SLC38A4: variants seen among roughly 807,000 people sequenced by gnomAD.
SLC38A4 encodes the protein sodium-coupled neutral amino acid transporter 4.
Under a neutral mutation model 63.1 loss-of-function variants are expected in SLC38A4, and 20 were observed. The observed-to-expected ratio is 0.32, with a 90% CI of 0.22 to 0.46. SLC38A4 has a LOEUF of 0.46. Ranked by LOEUF, SLC38A4 falls within the 20% of genes least tolerant of loss-of-function variation. The pLI is 1.00. For missense variants in SLC38A4, 526 were observed against 663.6 expected, an observed-to-expected ratio of 0.79 and a Z score of 2.28; for synonymous variants, 230 against 225.5, an observed-to-expected ratio of 1.02 and a Z score of -0.18.
Position 46,768,370 on chromosome 12 carries a change from T to C in SLC38A4, c.1482A>G (p.Pro494=), listed in dbSNP as rs368626582. Reference sequence around the variant, plus strand: ...TGACAAGTTTAAGATAAAAAACTGCTGGAAGAATAAAAATCAGCATAGTGG... The same window carrying C: ...TGACAAGTTTAAGATAAAAAACTGCCGGAAGAATAAAAATCAGCATAGTGG... The part of the protein sequence containing the change: ...SSATMLIFIL[P]AVFYLKLVKK... The change falls in exon 16 of 17, where the codon CCA becomes CCG. Residue 494 remains proline (P), a synonymous_variant. Transcript: ENST00000266579. The C allele has an allele frequency of 9.3e-6, 15 of 1,611,458 alleles. No individual in the cohort carries two copies. The highest frequency in any genetic ancestry group is 1.3e-5 in the Non-Finnish European group (15 of 1,178,516).
intron 1 of SLC38A4, among the ~76,000 whole-genome samples, chr12:46,831,867 C>T (rs1209186336): frequency 6.6e-6 from 1 of 152,136 alleles, no homozygotes; most frequent in East Asian, 1.9e-4. Flanking sequence ...AGGCAGGCGG[C>T]GCGGCCACGG....
upstream of SLC38A4, among the ~76,000 whole-genome samples, chr12:46,826,976 C>T (rs74082905): frequency 1.8e-3 from 272 of 152,292 alleles, 1 homozygote; most frequent in African/African-American, 6.2e-3. Flanking sequence ...ATTCAACAAA[C>T]ATGTACCAGT....
chr12:46,821,184 T>C, intron 1 of SLC38A4, among the ~76,000 whole-genome samples: 1 of 152,106 alleles, frequency 6.6e-6, no homozygotes, highest in East Asian at 1.9e-4. Context: ...TGCGTGTCTA[T>C]TTTTGCTTTT....
chr12:46,771,921 G>A (rs1013440850), intron 14 of SLC38A4, among the ~76,000 whole-genome samples: 8 of 151,994 alleles, frequency 5.3e-5, no homozygotes, highest in South Asian at 4.2e-4. Context: ...AGATGCTGTG[G>A]GTCAGGGAGG....
At chr12:46,822,146 C>T (rs1939562618) in intron 1 of SLC38A4, among the ~76,000 whole-genome samples, 1 of 152,090 alleles carries the variant, frequency 6.6e-6, no homozygotes, top group African/African-American at 2.4e-5. Context: ...ATGCACCACA[C>T]CCCTTAATTC....
chr12:46,815,240 GATATATATATATATATATATAT>G lies in SLC38A4; in HGVS notation c.-305+10641_-305+10662del, dbSNP rs56368111. Among the ~76,000 whole-genome samples, 77 of 89,640 alleles carry G rather than the reference GATATATATATATATATATATAT, an allele frequency of 8.6e-4. 2 individuals are homozygous for G. Among genetic ancestry groups the G allele is most frequent in the Admixed American group, 1.4e-3 (11 of 7,926 alleles). 58.8% of individuals were successfully genotyped at this position (89,640 alleles called of 152,430 possible). On this transcript the variant is annotated intron_variant, in intron 1 of 16. Transcript: ENST00000266579. ...TTTCAAGGATTATAAATGGCTAAAG[GATATATATATATATATATATAT>G]ATATATATATATATATATATATACA...
At chr12:46,829,779 G>A (rs1156501070), upstream of SLC38A4, among the ~76,000 whole-genome samples, 3 of 152,168 alleles carry the variant, frequency 2.0e-5, no homozygotes, top group East Asian at 3.8e-4. Context: ...CACCTGTCCA[G>A]CTCTGCCCTT....
intron 3 of SLC38A4, among the ~76,000 whole-genome samples, chr12:46,789,349 G>T (rs1308789111): frequency 6.6e-6 from 1 of 152,058 alleles, no homozygotes; most frequent in African/African-American, 2.4e-5. Flanking sequence ...ATTATTAACA[G>T]ATAATGAATG....
upstream of SLC38A4, among the ~76,000 whole-genome samples, chr12:46,828,452 T>G (rs1939689152): frequency 6.6e-6 from 1 of 152,022 alleles, no homozygotes; most frequent in Non-Finnish European, 1.5e-5. Flanking sequence ...CTCTCGAGTA[T>G]CTGGGACTAC....
At chr12:46,815,508 T>C (rs1198840336) in intron 1 of SLC38A4, among the ~76,000 whole-genome samples, 1 of 151,620 alleles carries the variant, frequency 6.6e-6, no homozygotes, top group Non-Finnish European at 1.5e-5. Context: ...TTTTCTTCAA[T>C]GAGATAATTT....
chr12:46,779,029 C>T (rs1430979906), intron 10 of SLC38A4, among the ~76,000 whole-genome samples: 1 of 151,932 alleles, frequency 6.6e-6, no homozygotes, highest in Middle Eastern at 3.2e-3. Context: ...TCTTTCATGC[C>T]CTTCCATGAG....
At chr12:46,772,384 C>T (rs1261282462) in intron 14 of SLC38A4, among the ~76,000 whole-genome samples, 1 of 151,968 alleles carries the variant, frequency 6.6e-6, no homozygotes, top group Non-Finnish European at 1.5e-5. Flanking sequence ...TTTTCAAAGG[C>T]ATGGCAGGTG....
intron 1 of SLC38A4, among the ~76,000 whole-genome samples, chr12:46,831,834 G>C (rs1054384077): frequency 1.3e-5 from 2 of 148,858 alleles, no homozygotes; most frequent in African/African-American, 5.2e-5. Flanking sequence ...CAGCTCCCGC[G>C]GGGGAAGTCG....
intron 2 of SLC38A4, among the ~76,000 whole-genome samples, chr12:46,795,492 T>C (rs1033853021): frequency 6.6e-6 from 1 of 152,120 alleles, no homozygotes; most frequent in African/African-American, 2.4e-5. Flanking sequence ...ATGCTCTTTC[T>C]CATTCTGAAT....
At chr12:46,812,667 A>T (rs1458842712) in intron 1 of SLC38A4, among the ~76,000 whole-genome samples, 1 of 152,078 alleles carries the variant, frequency 6.6e-6, no homozygotes, top group African/African-American at 2.4e-5. Context: ...AAAGCAAGGA[A>T]TTTTACAAAC....
chr12:46,804,113 A>C (rs1224467460), intron 1 of SLC38A4, among the ~76,000 whole-genome samples: 1 of 152,050 alleles, frequency 6.6e-6, no homozygotes, highest in Non-Finnish European at 1.5e-5. Context: ...TACATAGTGA[A>C]AGAGTTATTT....
chr12:46,770,105 G>A (rs1938387289), intron 14 of SLC38A4, among the ~76,000 whole-genome samples: 1 of 151,860 alleles, frequency 6.6e-6, no homozygotes, highest in Non-Finnish European at 1.5e-5. Context: ...AATAATCTCG[G>A]TCAGAAAGAG....
intron 13 of SLC38A4, among the ~76,000 whole-genome samples, chr12:46,776,360 A>G (rs1038606620): frequency 2.0e-5 from 3 of 152,008 alleles, no homozygotes; most frequent in Non-Finnish European, 2.9e-5. Context: ...GCATTCTTAG[A>G]TTGAAGGAAA....
At chr12:46,772,447 G>T (rs1225685430) in intron 14 of SLC38A4, among the ~76,000 whole-genome samples, 2 of 151,888 alleles carry the variant, frequency 1.3e-5, no homozygotes, top group East Asian at 3.9e-4. Context: ...TTGGTTTCTT[G>T]TTCTTTATGG....
Sources: gnomAD v4.1 joint callset for allele counts (sites outside exome capture counted in the v4.1 genomes callset) on GRCh38, gnomAD v4.1.1 for gene constraint, MANE v1.5 for transcripts, NCBI Gene and HGNC (gene_info 2026-07-23, HGNC 2026-07-21) for gene names.